Variants in DLGAP2 observed in about 807,000 individuals in gnomAD.
DLGAP2 encodes DLG associated protein 2.
In DLGAP2, 26 loss-of-function variants were observed where a neutral mutation model predicts 100.3. That is an observed-to-expected ratio of 0.26 (90% CI 0.19 to 0.36). DLGAP2 has a LOEUF of 0.36. Among genes scored for constraint, DLGAP2 ranks in the 10% least tolerant of loss-of-function variants. The pLI, the probability that DLGAP2 is intolerant of heterozygous loss-of-function variation, is 1.00. For synonymous variants in DLGAP2, 886 were observed against 630.1 expected (o/e 1.41, Z -6.08); for missense variants, 1,858 against 1,453.2 (o/e 1.28, Z -4.53).
chr8:917,091 C>G (rs888616115), intron 2 of DLGAP2, among the ~76,000 whole-genome samples: 1 of 152,222 alleles, frequency 6.6e-6, no homozygotes, highest in Non-Finnish European at 1.5e-5. Context: ...AAGTAAAACA[C>G]CAGTGAAGCA....
chr8:1,428,367 T>A (rs556327724), intron 3 of DLGAP2, among the ~76,000 whole-genome samples: 1 of 152,168 alleles, frequency 6.6e-6, no homozygotes, highest in Admixed American at 6.5e-5. Flanking sequence ...ATAAACTTAC[T>A]ACCAGTAAAT....
At chr8:845,285 A>T (rs1182066329) in intron 1 of DLGAP2, among the ~76,000 whole-genome samples, 1 of 152,206 alleles carries the variant, frequency 6.6e-6, no homozygotes, top group Non-Finnish European at 1.5e-5. Flanking sequence ...TTCTGATTTC[A>T]TCAGATCCTC....
intron 2 of DLGAP2, among the ~76,000 whole-genome samples, chr8:942,278 C>T (rs1047197630): frequency 3.9e-5 from 6 of 152,226 alleles, no homozygotes; most frequent in Admixed American, 2.6e-4. Context: ...TAAAGCTCTG[C>T]TGCCGCCTGT....
intron 3 of DLGAP2, among the ~76,000 whole-genome samples, chr8:1,422,057 T>C (rs1797103421): frequency 6.6e-6 from 1 of 152,058 alleles, no homozygotes. Context: ...TAACACACGC[T>C]AGGCACCGAG....
At chr8:953,836 G>A (rs561790987) in intron 2 of DLGAP2, among the ~76,000 whole-genome samples, 3 of 152,270 alleles carry the variant, frequency 2.0e-5, no homozygotes, top group African/African-American at 7.2e-5. Context: ...CTTTCCATTT[G>A]GTCAGTCACT....
intron 1 of DLGAP2, among the ~76,000 whole-genome samples, chr8:903,076 G>C (rs977879390): frequency 6.6e-6 from 1 of 151,562 alleles, no homozygotes; most frequent in South Asian, 2.1e-4. Flanking sequence ...GACCAGTGTT[G>C]TGGCGCAGCA....
At chr8:740,677 T>C (rs917536250) in intron 1 of DLGAP2, among the ~76,000 whole-genome samples, 2 of 152,194 alleles carry the variant, frequency 1.3e-5, no homozygotes, top group Non-Finnish European at 2.9e-5. Flanking sequence ...GAGAGGATTT[T>C]GTTTTGTTTT....
At chr8:1,232,011 G>T (rs1449044953) in intron 2 of DLGAP2, among the ~76,000 whole-genome samples, 16 of 152,194 alleles carry the variant, frequency 1.1e-4, no homozygotes, top group Admixed American at 4.6e-4. Flanking sequence ...AATGCCAGTA[G>T]CCAAAAGAAA....
intron 1 of DLGAP2, chr8:753,535 A>G (rs1820844817): frequency 6.6e-6 from 1 of 152,224 alleles, no homozygotes; most frequent in South Asian, 2.1e-4. Context: ...ACCTGCAGGA[A>G]TGAGAAGTTC....
chr8:1,031,364 CTGACATCGAGAT>C (rs1347790513), intron 2 of DLGAP2, among the ~76,000 whole-genome samples: 2 of 152,106 alleles, frequency 1.3e-5, no homozygotes, highest in Admixed American at 1.3e-4. Context: ...GCCCTGAGGA[CTGACATCGAGAT>C]TTCTTGCACT....
At chr8:779,456 C>CTTCT (rs1240539014) in intron 1 of DLGAP2, among the ~76,000 whole-genome samples, 1 of 148,444 alleles carries the variant, frequency 6.7e-6, no homozygotes, top group Non-Finnish European at 1.5e-5. Flanking sequence ...TTTCTTTTCC[C>CTTCT]TTCTTTCTTT....
intron 3 of DLGAP2, among the ~76,000 whole-genome samples, chr8:1,284,666 G>T (rs1799887116): frequency 6.6e-6 from 1 of 152,150 alleles, no homozygotes; most frequent in African/African-American, 2.4e-5. Context: ...CTGTCACCCA[G>T]GTTGGAATGA....
At chr8:1,618,763 C>T (rs1365381631) in intron 6 of DLGAP2, among the ~76,000 whole-genome samples, 3 of 151,984 alleles carry the variant, frequency 2.0e-5, no homozygotes, top group Non-Finnish European at 2.9e-5. Context: ...GGGGGGATCT[C>T]CGTGCACCTT....
chr8:1,455,906 C>T (rs887892107), intron 3 of DLGAP2, among the ~76,000 whole-genome samples: 4 of 152,212 alleles, frequency 2.6e-5, no homozygotes, highest in Admixed American at 6.5e-5. Context: ...CTGCCCGGCA[C>T]GAAATCAATC....
chr8:1,239,594 A>C (rs1412810791), intron 2 of DLGAP2, among the ~76,000 whole-genome samples: 390 of 31,530 alleles, frequency 0.012, no homozygotes, highest in Middle Eastern at 0.034. Flanking sequence ...CTAGTTACCT[A>C]TCACATGGTG....
At chr8:1,114,846 C>G (rs1805066490) in intron 2 of DLGAP2, among the ~76,000 whole-genome samples, 3 of 152,108 alleles carry the variant, frequency 2.0e-5, no homozygotes, top group African/African-American at 7.2e-5. Context: ...TACGAATTTT[C>G]CTGTTAACAC....
intron 2 of DLGAP2, among the ~76,000 whole-genome samples, chr8:974,951 G>C (rs1355404207): frequency 6.6e-6 from 1 of 152,162 alleles, no homozygotes; most frequent in Non-Finnish European, 1.5e-5. Flanking sequence ...CTTAAGCCAA[G>C]AGCTTGTTCT....
intron 3 of DLGAP2, among the ~76,000 whole-genome samples, chr8:1,483,648 A>C (rs1316239069): frequency 4.4e-5 from 1 of 22,724 alleles, no homozygotes; most frequent in Non-Finnish European, 9.0e-5. Context: ...GCAGGACCTG[A>C]GGGCGTCTAC....
At chr8:740,141 A>G (rs1057204430) in intron 1 of DLGAP2, 1 of 152,212 alleles carries the variant, frequency 6.6e-6, no homozygotes. Context: ...TTATAATTTC[A>G]GGTTAAAGGG....
Sources: gnomAD v4.1 joint callset for allele counts (sites outside exome capture counted in the v4.1 genomes callset) on GRCh38, gnomAD v4.1.1 for gene constraint, MANE v1.5 for transcripts, NCBI Gene and HGNC (gene_info 2026-07-23, HGNC 2026-07-21) for gene names.